ENAH: variants seen among roughly 807,000 people sequenced by gnomAD.
ENAH encodes the protein ENAH actin regulator, also known as protein enabled homolog.
Under a neutral mutation model 78.7 loss-of-function variants are expected in ENAH, and 23 were observed. That is an observed-to-expected ratio of 0.29 (90% CI 0.21 to 0.41). ENAH has a LOEUF of 0.41. Ranked by LOEUF, ENAH falls within the 10% of genes least tolerant of loss-of-function variation. ENAH has a pLI of 1.00. For synonymous variants in ENAH, 226 were observed against 241.0 expected, an observed-to-expected ratio of 0.94 and a Z score of 0.58; for missense variants, 544 against 691.0, an observed-to-expected ratio of 0.79 and a Z score of 2.39.
At chr1:225,632,742 G>A (rs1659318996) in intron 1 of ENAH, among the ~76,000 whole-genome samples, 1 of 152,214 alleles carries the variant, frequency 6.6e-6, no homozygotes, top group Non-Finnish European at 1.5e-5. Flanking sequence ...GCTATACCTA[G>A]GGGTTCAACT....
At chr1:225,521,927 C>T (rs1471481508) in intron 4 of ENAH, among the ~76,000 whole-genome samples, 1 of 152,032 alleles carries the variant, frequency 6.6e-6, no homozygotes, top group African/African-American at 2.4e-5. Context: ...TCCCGAGTAG[C>T]TGGGACTACA....
intron 11 of ENAH, among the ~76,000 whole-genome samples, chr1:225,503,062 C>A (rs1405349043): frequency 6.6e-6 from 1 of 152,012 alleles, no homozygotes; most frequent in Non-Finnish European, 1.5e-5. Flanking sequence ...ATGTAATAAA[C>A]AATTGTGGAA....
rs559039844 is a variant in ENAH at position 225,616,546 on chromosome 1, T to C, written c.5+36140A>G. ...TGTTGATGTATGGTTGAAATGCGGA[T>C]TCACAAGTACATGTTATATATAGTA... is the stretch of plus-strand genomic sequence containing the variant. On this transcript the variant is annotated intron_variant, in intron 1 of 13. Coordinates refer to ENST00000366843, the MANE Select transcript of ENAH (RefSeq NM_018212.6). Among the ~76,000 whole-genome samples the C allele has an allele frequency of 1.4e-4, 22 of 152,134 alleles. No individual in the cohort carries two copies. In the East Asian group the frequency reaches 3.9e-3, roughly 27 times the overall value.
Position 225,569,277 on chromosome 1 carries a change from A to G in ENAH, c.6-1863T>C, listed in dbSNP as rs12092561. ...TCCAGTTTTCAAATAATATTTTTGC[A>G]GCTACATTGTTTCTAAGATTCCCAA... On this transcript the variant is annotated intron_variant, in intron 1 of 13. Coordinates refer to ENST00000366843, the MANE Select transcript of ENAH (RefSeq NM_018212.6). Among the ~76,000 whole-genome samples the G allele has an allele frequency of 1.5e-3, 229 of 152,344 alleles. 1 individual carries two copies. Among genetic ancestry groups the G allele is most frequent in the African/African-American group, 5.1e-3 (211 of 41,578 alleles).
intron 3 of ENAH, among the ~76,000 whole-genome samples, chr1:225,554,453 T>C (rs2096656614): frequency 6.6e-6 from 1 of 152,152 alleles, no homozygotes; most frequent in Non-Finnish European, 1.5e-5. Context: ...GAATCACATT[T>C]TTACCTACTG....
Position 225,609,066 on chromosome 1 carries a change from A to C in ENAH, c.6-41652T>G, listed in dbSNP as rs561256811. Among the ~76,000 whole-genome samples the C allele has an allele frequency of 5.3e-5, 8 of 152,232 alleles. No homozygotes were observed. The East Asian group carries it at 1.2e-3, about 22-fold the overall frequency. On this transcript the variant is annotated intron_variant, in intron 1 of 13. Coordinates refer to ENST00000366843, the MANE Select transcript of ENAH (RefSeq NM_018212.6). ...CTTTATTTCTAAGGGAGCTACAATG[A>C]AAAGCAACAGAATAAGGCTGAAAGA...
In ENAH at chr1:225,626,526, C is replaced by T. The variant is rs113506070; in HGVS notation, c.5+26160G>A. On this transcript the variant is annotated intron_variant, in intron 1 of 13. Coordinates refer to ENST00000366843, the MANE Select transcript of ENAH (RefSeq NM_018212.6). ...TTGTGCCTTCTACCATGTGAGAATG[C>T]AGCAACAAGGCGCCATCTATGAAGC... 2.4e-3 allele frequency among the ~76,000 whole-genome samples: 367 copies of T among 152,354 alleles called. 2 individuals carry two copies. Among genetic ancestry groups the T allele is most frequent in the African/African-American group, 8.4e-3 (348 of 41,580 alleles).
rs549235667 is a variant in ENAH at position 225,502,188 on chromosome 1, T to C, written c.1539-1118A>G. 9.2e-5 allele frequency among the ~76,000 whole-genome samples: 14 copies of C among 152,302 alleles called. No homozygotes were observed. In the South Asian group the frequency reaches 2.9e-3, roughly 32 times the overall value. On this transcript the variant is annotated intron_variant, in intron 11 of 13. Coordinates refer to ENST00000366843, the MANE Select transcript of ENAH (RefSeq NM_018212.6). ...GGCATGGTTCCTGAAGATTAAACAC[T>C]GAGTTAATCTGCTTTTTGTTGTTGT... is the stretch of plus-strand genomic sequence containing the variant.
At chr1:225,560,314 A>G (rs2096695688) in intron 2 of ENAH, among the ~76,000 whole-genome samples, 1 of 152,160 alleles carries the variant, frequency 6.6e-6, no homozygotes, top group South Asian at 2.1e-4. Flanking sequence ...CAACATGGCA[A>G]AACCCTGTCT....
At chr1:225,616,681 G>A (rs1655767489) in intron 1 of ENAH, among the ~76,000 whole-genome samples, 1 of 152,122 alleles carries the variant, frequency 6.6e-6, no homozygotes, top group Non-Finnish European at 1.5e-5. Flanking sequence ...CCACCAATCA[G>A]AACTACAAAG....
At chr1:225,601,875 G>C (rs75368357) in intron 1 of ENAH, among the ~76,000 whole-genome samples, 2,397 of 151,822 alleles carry the variant, frequency 0.016, 81 homozygotes, top group African/African-American at 0.054. Flanking sequence ...GGAAGAACTT[G>C]AGGAAAATAT....
At chr1:225,525,770 C>G (rs1315986839) in intron 4 of ENAH, among the ~76,000 whole-genome samples, 1 of 152,184 alleles carries the variant, frequency 6.6e-6, no homozygotes, top group Non-Finnish European at 1.5e-5. Context: ...GAAAGAGATT[C>G]TCTTAGGATT....
chr1:225,644,965 T>C (rs1287822924), intron 1 of ENAH, among the ~76,000 whole-genome samples: 1 of 152,192 alleles, frequency 6.6e-6, no homozygotes, highest in East Asian at 1.9e-4. Context: ...ACTTTAGTCA[T>C]CCTTACTTAC....
At chr1:225,527,592 C>A (rs556454103) in intron 4 of ENAH, among the ~76,000 whole-genome samples, 29 of 152,192 alleles carry the variant, frequency 1.9e-4, no homozygotes, top group African/African-American at 6.5e-4. Flanking sequence ...ACAGATTGTA[C>A]GGGATATATG....
At chr1:225,536,146 CAT>C (rs1196818133) in intron 3 of ENAH, among the ~76,000 whole-genome samples, 33 of 152,200 alleles carry the variant, frequency 2.2e-4, no homozygotes, top group African/African-American at 6.3e-4. Flanking sequence ...TACCAAGCCA[CAT>C]GTTACTATTT....
At chr1:225,605,029 G>A (rs1047004424) in intron 1 of ENAH, among the ~76,000 whole-genome samples, 1 of 152,148 alleles carries the variant, frequency 6.6e-6, no homozygotes. Context: ...CCTTTGAAAC[G>A]TGAATATCCA....
intron 1 of ENAH, among the ~76,000 whole-genome samples, chr1:225,625,863 T>C (rs1034595490): frequency 1.3e-5 from 2 of 152,210 alleles, no homozygotes; most frequent in Non-Finnish European, 2.9e-5. Context: ...TCCTCTTTAG[T>C]TGAATTATCA....
At chr1:225,630,057 A>C (rs1435271700) in intron 1 of ENAH, among the ~76,000 whole-genome samples, 1 of 152,220 alleles carries the variant, frequency 6.6e-6, no homozygotes, top group Non-Finnish European at 1.5e-5. Flanking sequence ...AATTAACCAT[A>C]ATATGTATAA....
intron 1 of ENAH, among the ~76,000 whole-genome samples, chr1:225,620,637 G>C (rs981707794): frequency 6.6e-6 from 1 of 152,130 alleles, no homozygotes; most frequent in Non-Finnish European, 1.5e-5. Flanking sequence ...CTCAATCTCA[G>C]CCTGCTACTT....
Sources: gnomAD v4.1 joint callset for allele counts (sites outside exome capture counted in the v4.1 genomes callset) on GRCh38, gnomAD v4.1.1 for gene constraint, MANE v1.5 for transcripts, NCBI Gene and HGNC (gene_info 2026-07-23, HGNC 2026-07-21) for gene names.